ASAP1: variants seen among roughly 807,000 people sequenced by gnomAD.
ASAP1 encodes arf-GAP with SH3 domain, ANK repeat and PH domain-containing protein 1.
In ASAP1, 43 loss-of-function variants were observed where a neutral mutation model predicts 145.2. That is an observed-to-expected ratio of 0.30 (90% CI 0.23 to 0.38). The LOEUF is 0.38. ASAP1 is among the 10% of genes least tolerant of loss of function. ASAP1 has a pLI of 1.00. For synonymous variants in ASAP1, 546 were observed against 515.5 expected (o/e 1.06, Z -0.80); for missense variants, 1,018 against 1,355.3 (o/e 0.75, Z 3.91).
intron 6 of ASAP1, among the ~76,000 whole-genome samples, chr8:130,187,622 T>C (rs1010779120): frequency 6.6e-6 from 1 of 152,270 alleles, no homozygotes; most frequent in African/African-American, 2.4e-5. Context: ...TCTTATTATG[T>C]TGCCCAGGCT....
chr8:130,347,790 T>C (rs1363895878), intron 3 of ASAP1, among the ~76,000 whole-genome samples: 2 of 152,140 alleles, frequency 1.3e-5, no homozygotes, highest in African/African-American at 2.4e-5. Flanking sequence ...GAGCTGGGAA[T>C]AATTTGGTGC....
At chr8:130,112,503 C>T (rs563545558) in intron 23 of ASAP1, 181 bp from the exon 24 acceptor site, 10 of 569,810 alleles carry the variant, frequency 1.8e-5, no homozygotes, top group African/African-American at 1.7e-4. Flanking sequence ...CTAGATACCA[C>T]ACTTTCATAT....
chr8:130,143,823 T>C (rs192083588), intron 13 of ASAP1, among the ~76,000 whole-genome samples: 2 of 152,330 alleles, frequency 1.3e-5, no homozygotes, highest in East Asian at 3.9e-4. Context: ...AAGTGTAAAG[T>C]TGTTAGCACA....
intron 3 of ASAP1, among the ~76,000 whole-genome samples, chr8:130,312,128 AT>A (rs1211278825): frequency 6.6e-6 from 1 of 151,994 alleles, no homozygotes; most frequent in Non-Finnish European, 1.5e-5. Context: ...AAATACAAAA[AT>A]TAGCTGGGTG....
At chr8:130,161,621 G>A (rs1259070900) in intron 11 of ASAP1, among the ~76,000 whole-genome samples, 1 of 152,118 alleles carries the variant, frequency 6.6e-6, no homozygotes, top group East Asian at 1.9e-4. Context: ...TCACATTAAA[G>A]AGGTTACAAA....
chr8:130,255,648 T>C (rs1819465827), intron 3 of ASAP1, among the ~76,000 whole-genome samples: 1 of 152,304 alleles, frequency 6.6e-6, no homozygotes, highest in East Asian at 1.9e-4. Flanking sequence ...AAGTTGCTTT[T>C]ATGAAAAATA....
At chr8:130,385,528 A>G (rs1009133294) in intron 2 of ASAP1, among the ~76,000 whole-genome samples, 3 of 152,220 alleles carry the variant, frequency 2.0e-5, no homozygotes, top group African/African-American at 4.8e-5. Context: ...CGTGCCCAAG[A>G]GAGTCTCAGC....
chr8:130,227,233 G>T (rs1291850001), intron 4 of ASAP1, among the ~76,000 whole-genome samples: 1 of 151,940 alleles, frequency 6.6e-6, no homozygotes, highest in Non-Finnish European at 1.5e-5. Flanking sequence ...AGCCTGAGCA[G>T]CTACCCTCTG....
chr8:130,216,404 T>C (rs1026072278), intron 4 of ASAP1, among the ~76,000 whole-genome samples: 31 of 152,236 alleles, frequency 2.0e-4, no homozygotes, highest in African/African-American at 7.5e-4. Context: ...ACTTACAGAA[T>C]TGTGGTATTG....
intron 24 of ASAP1, among the ~76,000 whole-genome samples, chr8:130,108,271 G>T (rs1428512694): frequency 6.6e-6 from 1 of 152,192 alleles, no homozygotes. Context: ...ACATGCTATT[G>T]AGAAGGGCTA....
intron 15 of ASAP1, 49 bp from the exon 16 acceptor site, chr8:130,128,139 ATTTTTTTTTT>A (rs745416119): frequency 2.7e-4 from 48 of 179,480 alleles, no homozygotes; most frequent in East Asian, 3.0e-4. Context: ...GAGCATGGTC[ATTTTTTTTTT>A]TTTTTTTTTT....
intron 7 of ASAP1, among the ~76,000 whole-genome samples, chr8:130,182,126 C>G (rs1292498167): frequency 1.3e-5 from 2 of 152,238 alleles, no homozygotes. Context: ...GAATAAATCT[C>G]AGCTCTTTCT....
Position 130,232,711 on chromosome 8 carries a change from T to C in ASAP1, c.259+4211A>G, listed in dbSNP as rs774171107. Among the ~76,000 whole-genome samples, 12 of 152,096 alleles carry C rather than the reference T, an allele frequency of 7.9e-5. No homozygotes were observed. In the South Asian group the frequency reaches 1.0e-3, roughly 13 times the overall value. Reference sequence around the variant, plus strand: ...GTGTAAAAATAATACATTTTAAGAGTAAGAAGCTTCACAATGTTTAGCCAT... The same window carrying C: ...GTGTAAAAATAATACATTTTAAGAGCAAGAAGCTTCACAATGTTTAGCCAT... On this transcript the variant is annotated intron_variant, in intron 4 of 29. Coordinates refer to ENST00000518721, the MANE Select transcript of ASAP1 (RefSeq NM_018482.4).
chr8:130,175,880 G>C (rs528258510), intron 9 of ASAP1, among the ~76,000 whole-genome samples: 1 of 152,088 alleles, frequency 6.6e-6, no homozygotes, highest in East Asian at 1.9e-4. Flanking sequence ...ATAAGCTCTC[G>C]GTAAATGTTA....
chr8:130,138,641 C>T (rs533534216), intron 13 of ASAP1, among the ~76,000 whole-genome samples: 10 of 152,008 alleles, frequency 6.6e-5, no homozygotes, highest in African/African-American at 1.7e-4. Context: ...GTTCCAGACC[C>T]GCCTGATCAA....
At chr8:130,075,653 C>T (rs921199359) in intron 27 of ASAP1, among the ~76,000 whole-genome samples, 10 of 151,946 alleles carry the variant, frequency 6.6e-5, no homozygotes, top group African/African-American at 1.9e-4. Context: ...GTAACAACAA[C>T]GACAACAAAA....
chr8:130,260,539 C>T (rs896874024), intron 3 of ASAP1, among the ~76,000 whole-genome samples: 1 of 152,178 alleles, frequency 6.6e-6, no homozygotes, highest in Non-Finnish European at 1.5e-5. Context: ...GTTCACATAA[C>T]TTGGACGGGT....
rs117090079 is a variant in ASAP1 at position 130,089,508 on chromosome 8, C to T, written c.2572+2465G>A. ...GGAACATAAGAGCGTTGGAAAGGTG[C>T]GTCCACAGACGAAAGCTGCAGGCAT... On this transcript the variant is annotated intron_variant, in intron 25 of 29. Coordinates refer to ENST00000518721, the MANE Select transcript of ASAP1 (RefSeq NM_018482.4). 1.3e-3 allele frequency among the ~76,000 whole-genome samples: 201 copies of T among 152,272 alleles called. 5 individuals are homozygous for T. The East Asian group carries it at 0.035, about 27-fold the overall frequency.
chr8:130,342,997 A>G (rs1178764146), intron 3 of ASAP1, among the ~76,000 whole-genome samples: 1 of 152,168 alleles, frequency 6.6e-6, no homozygotes, highest in Non-Finnish European at 1.5e-5. Flanking sequence ...GATACTTACT[A>G]AGCCAAAAAG....
Sources: gnomAD v4.1 joint callset for allele counts (sites outside exome capture counted in the v4.1 genomes callset) on GRCh38, gnomAD v4.1.1 for gene constraint, MANE v1.5 for transcripts, NCBI Gene and HGNC (gene_info 2026-07-23, HGNC 2026-07-21) for gene names.